Variants in NKAIN3 observed in about 807,000 individuals in gnomAD.
NKAIN3 encodes the protein sodium/potassium-transporting ATPase subunit beta-1-interacting protein 3.
Under a neutral mutation model 30.2 loss-of-function variants are expected in NKAIN3, and 25 were observed. That is an observed-to-expected ratio of 0.83 (90% CI 0.60 to 1.16). NKAIN3 has a LOEUF of 1.16. Among genes scored for constraint, NKAIN3 ranks in the 50% most tolerant of loss-of-function variants. The pLI is 0.00. For synonymous variants in NKAIN3, 91 were observed against 89.6 expected, an observed-to-expected ratio of 1.02 and a Z score of -0.09; for missense variants, 225 against 254.1, an observed-to-expected ratio of 0.89 and a Z score of 0.78.
chr8:62,837,970 G>A (rs1016042544), intron 4 of NKAIN3, among the ~76,000 whole-genome samples: 6 of 151,952 alleles, frequency 3.9e-5, no homozygotes, highest in African/African-American at 9.7e-5. Context: ...TGCAAGGTAC[G>A]TCCTAATGCT....
intron 4 of NKAIN3, chr8:62,855,610 T>G: frequency 6.2e-7 from 1 of 1,602,282 alleles, no homozygotes; most frequent in Non-Finnish European, 8.5e-7. Flanking sequence ...CCACTGCTTG[T>G]TCAGTCTCCA....
At chr8:62,318,156 T>C (rs1285104666) in intron 1 of NKAIN3, among the ~76,000 whole-genome samples, 1 of 152,230 alleles carries the variant, frequency 6.6e-6, no homozygotes, top group African/African-American at 2.4e-5. Flanking sequence ...TGAAGTTGCC[T>C]ATCAGCTTAA....
intron 3 of NKAIN3, among the ~76,000 whole-genome samples, chr8:62,682,847 TG>T (rs1813684805): frequency 6.6e-6 from 1 of 152,062 alleles, no homozygotes; most frequent in Non-Finnish European, 1.5e-5. Flanking sequence ...AAGGAGAATC[TG>T]AGCTCAGACA....
rs367560190 is a variant in NKAIN3, at chr8:62,732,580, A to AT, written c.274-14348dup. On this transcript the variant is annotated intron_variant, in intron 3 of 6. Coordinates refer to ENST00000623646, the MANE Select transcript of NKAIN3 (RefSeq NM_001304533.3). ...ATGTATTAGATCAAACTTGTTAGTT[A>AT]TTTTGTTCTAATCTGCACCCCTAAT... Among the ~76,000 whole-genome samples the AT allele has an allele frequency of 2.8e-3, 429 of 152,130 alleles. 1 individual carries two copies. Among genetic ancestry groups the AT allele is most frequent in the African/African-American group, 9.9e-3 (412 of 41,540 alleles).
At chr8:62,836,976 G>A (rs912689892) in intron 4 of NKAIN3, among the ~76,000 whole-genome samples, 1 of 152,098 alleles carries the variant, frequency 6.6e-6, no homozygotes, top group African/African-American at 2.4e-5. Context: ...TATTATTAAA[G>A]GGAGTAAATG....
intron 4 of NKAIN3, among the ~76,000 whole-genome samples, chr8:62,872,230 T>A (rs1174980998): frequency 6.6e-6 from 1 of 152,220 alleles, no homozygotes; most frequent in African/African-American, 2.4e-5. Context: ...AAGCACCTGA[T>A]GATGCCATTG....
chr8:62,509,038 A>G (rs1486224763), intron 1 of NKAIN3, among the ~76,000 whole-genome samples: 2 of 152,158 alleles, frequency 1.3e-5, no homozygotes, highest in African/African-American at 4.8e-5. Context: ...CTTTCTCTGC[A>G]AGGTGTAGCC....
Position 62,641,600 on chromosome 8 carries a change from C to T in NKAIN3, c.273+51806C>T, listed in dbSNP as rs1257715648. 2.0e-5 allele frequency among the ~76,000 whole-genome samples: 3 copies of T among 152,230 alleles called. No individual in the cohort carries two copies. The East Asian group carries it at 5.8e-4, about 29-fold the overall frequency. On this transcript the variant is annotated intron_variant, in intron 3 of 6. Coordinates refer to ENST00000623646, the MANE Select transcript of NKAIN3 (RefSeq NM_001304533.3). Reference sequence around the variant, plus strand: ...TTAAGAGCCTGACTCTAGACAGACTCAAAATTCCTGGACACAGAGAAATGT... The same window carrying T: ...TTAAGAGCCTGACTCTAGACAGACTTAAAATTCCTGGACACAGAGAAATGT...
At chr8:62,335,321 G>A (rs1815504853) in intron 1 of NKAIN3, among the ~76,000 whole-genome samples, 1 of 151,708 alleles carries the variant, frequency 6.6e-6, no homozygotes, top group Non-Finnish European at 1.5e-5. Flanking sequence ...AGCTACTTGG[G>A]AGGCTGAGAT....
chr8:62,904,920 A>G (rs1308451867), intron 4 of NKAIN3, among the ~76,000 whole-genome samples: 1 of 152,110 alleles, frequency 6.6e-6, no homozygotes, highest in Non-Finnish European at 1.5e-5. Flanking sequence ...GAAGAAGCAG[A>G]TTCTCTCCCT....
chr8:62,370,526 A>T (rs1014451839), intron 1 of NKAIN3, among the ~76,000 whole-genome samples: 4 of 151,822 alleles, frequency 2.6e-5, no homozygotes, highest in Non-Finnish European at 5.9e-5. Context: ...CAAACACATG[A>T]TCATATATGT....
chr8:62,838,892 A>G (rs16929685), intron 4 of NKAIN3, among the ~76,000 whole-genome samples: 12,737 of 152,124 alleles, frequency 0.084, 584 homozygotes, highest in South Asian at 0.14. Context: ...GTGATTTTTT[A>G]TTAACTTTTA....
chr8:62,278,718 T>G (rs1340109293), intron 1 of NKAIN3, among the ~76,000 whole-genome samples: 1 of 152,204 alleles, frequency 6.6e-6, no homozygotes, highest in Non-Finnish European at 1.5e-5. Flanking sequence ...TCATCCTTTT[T>G]TATGGGTGCG....
Position 62,747,081 on chromosome 8 carries a change from C to T in NKAIN3, c.423C>T (p.Asp141=). ...TYVSVTGCIV[D]FQYLEVIHSA... ...TCTCTGTCACAGGCTGCATCGTTGA[C>T]TTCCAGTACCTGGAGGTCATCCACA... The change falls in exon 4 of 7, where the codon GAC becomes GAT. Residue 141 remains aspartate, a synonymous_variant. Coordinates refer to ENST00000623646, the MANE Select transcript of NKAIN3 (RefSeq NM_001304533.3). 6.2e-7 allele frequency: 1 copy of T among 1,613,622 alleles called. No individual in the cohort carries two copies. The highest frequency in any genetic ancestry group is 2.2e-5 in the East Asian group (1 of 44,866).
intron 1 of NKAIN3, among the ~76,000 whole-genome samples, chr8:62,316,979 G>A (rs1012158574): frequency 9.2e-5 from 14 of 152,210 alleles, no homozygotes; most frequent in African/African-American, 3.4e-4. Context: ...TAACTGGTGT[G>A]AAATGGTATC....
chr8:62,518,995 G>A (rs1808075982), intron 1 of NKAIN3, among the ~76,000 whole-genome samples: 1 of 151,862 alleles, frequency 6.6e-6, no homozygotes, highest in African/African-American at 2.4e-5. Flanking sequence ...CTTTCACAAT[G>A]TGTGAAGTGG....
chr8:62,613,851 T>G (rs2130195618), intron 3 of NKAIN3, among the ~76,000 whole-genome samples: 1 of 152,256 alleles, frequency 6.6e-6, no homozygotes, highest in South Asian at 2.1e-4. Context: ...TCTCCAGAAT[T>G]TCTGCTTTAT....
chr8:62,832,807 A>G (rs73256998), intron 4 of NKAIN3, among the ~76,000 whole-genome samples: 4,046 of 152,210 alleles, frequency 0.027, 179 homozygotes, highest in African/African-American at 0.092. Flanking sequence ...TGGCAAAGAT[A>G]TTCTGGACTT....
intron 1 of NKAIN3, among the ~76,000 whole-genome samples, chr8:62,489,899 A>C (rs898299899): frequency 2.0e-5 from 3 of 152,212 alleles, no homozygotes; most frequent in African/African-American, 7.2e-5. Context: ...TTCCAGTTCA[A>C]CTTCACTGTT....
Sources: allele counts gnomAD v4.1 joint callset (sites outside exome capture counted in the v4.1 genomes callset), GRCh38; gene constraint gnomAD v4.1.1; transcripts MANE v1.5; gene names NCBI Gene and HGNC (gene_info 2026-07-23, HGNC 2026-07-21).